Variants in NKAIN2 observed in about 807,000 individuals in gnomAD.
NKAIN2 encodes sodium/potassium transporting ATPase interacting 2, also known as sodium/potassium-transporting ATPase subunit beta-1-interacting protein 2.
NKAIN2 carries 14 observed loss-of-function variants against 32.6 expected under a neutral mutation model. The ratio of observed to expected loss-of-function variants is 0.43; its 90% confidence interval spans 0.28 to 0.67. The LOEUF (loss-of-function observed/expected upper bound fraction) is 0.67, where lower values mean the gene tolerates loss of function less well. Ranked by LOEUF, NKAIN2 falls within the 30% of genes least tolerant of loss-of-function variation. The probability of loss-of-function intolerance (pLI) is 0.17; values close to 1 mark genes in which losing one functional copy is unlikely to be tolerated. For missense variants in NKAIN2, 198 were observed against 258.3 expected (o/e 0.77, Z 1.60); for synonymous variants, 80 against 87.2 (o/e 0.92, Z 0.46).
At chr6:124,703,755 A>C (rs1346832261) in intron 4 of NKAIN2, among the ~76,000 whole-genome samples, 2 of 152,050 alleles carry the variant, frequency 1.3e-5, no homozygotes, top group Non-Finnish European at 2.9e-5. Flanking sequence ...TCTTCTCAGA[A>C]TACAAGTGTG....
intron 1 of NKAIN2, among the ~76,000 whole-genome samples, chr6:124,153,732 C>T (rs190063126): frequency 6.6e-6 from 1 of 151,492 alleles, no homozygotes; most frequent in Non-Finnish European, 1.5e-5. Flanking sequence ...TCATTAAATT[C>T]ATTTAATTAT....
At chr6:124,149,752 C>T (rs986736633) in intron 1 of NKAIN2, among the ~76,000 whole-genome samples, 2 of 151,932 alleles carry the variant, frequency 1.3e-5, no homozygotes, top group African/African-American at 2.4e-5. Flanking sequence ...TCTTTTTTGC[C>T]GGGTCTGTCC....
intron 1 of NKAIN2, among the ~76,000 whole-genome samples, chr6:124,108,749 T>C (rs778229907): frequency 5.3e-5 from 8 of 152,050 alleles, no homozygotes; most frequent in Non-Finnish European, 8.8e-5. Flanking sequence ...ATTTCAATCT[T>C]TTGCATGTGG....
intron 1 of NKAIN2, among the ~76,000 whole-genome samples, chr6:123,960,640 G>T (rs1405214540): frequency 6.6e-6 from 1 of 151,710 alleles, no homozygotes; most frequent in Non-Finnish European, 1.5e-5. Context: ...ATGTGCCATA[G>T]CCTTGCCCCT....
At chr6:124,158,658 A>G (rs938737326) in intron 1 of NKAIN2, among the ~76,000 whole-genome samples, 2 of 152,200 alleles carry the variant, frequency 1.3e-5, no homozygotes, top group Non-Finnish European at 2.9e-5. Flanking sequence ...TTTAACTGCA[A>G]TCCCCAGCTT....
At chr6:124,639,649 A>G (rs952929061) in intron 3 of NKAIN2, among the ~76,000 whole-genome samples, 2 of 152,126 alleles carry the variant, frequency 1.3e-5, no homozygotes, top group African/African-American at 4.8e-5. Flanking sequence ...AAAAAAGTAT[A>G]TATAATATAT....
intron 4 of NKAIN2, among the ~76,000 whole-genome samples, chr6:124,743,748 A>G (rs916887619): frequency 1.3e-5 from 2 of 151,868 alleles, no homozygotes; most frequent in East Asian, 1.9e-4. Flanking sequence ...CACTGCTCCC[A>G]ACTTTCAAAG....
At chr6:124,680,705 A>G (rs899285450) in intron 4 of NKAIN2, among the ~76,000 whole-genome samples, 18 of 152,060 alleles carry the variant, frequency 1.2e-4, no homozygotes, top group African/African-American at 4.1e-4. Flanking sequence ...TCTTGCTTTT[A>G]CTTCATACTC....
At chr6:124,481,627 G>C (rs367679063) in intron 3 of NKAIN2, among the ~76,000 whole-genome samples, 8 of 152,078 alleles carry the variant, frequency 5.3e-5, no homozygotes, top group African/African-American at 1.7e-4. Context: ...TCTTGTTTCA[G>C]AGATTAGTGA....
chr6:124,360,482 T>A (rs1799235774), intron 3 of NKAIN2, among the ~76,000 whole-genome samples: 1 of 152,154 alleles, frequency 6.6e-6, no homozygotes, highest in Non-Finnish European at 1.5e-5. Context: ...GATCATGTTT[T>A]CTTTGTACAC....
At chr6:124,137,656 AAGAT>A (rs1419781999) in intron 1 of NKAIN2, among the ~76,000 whole-genome samples, 3 of 152,136 alleles carry the variant, frequency 2.0e-5, no homozygotes, top group African/African-American at 7.2e-5. Context: ...TACCAATAAA[AAGAT>A]AGGTATATAG....
At chr6:124,565,421 T>G (rs1329912954) in intron 3 of NKAIN2, among the ~76,000 whole-genome samples, 1 of 152,200 alleles carries the variant, frequency 6.6e-6, no homozygotes, top group Non-Finnish European at 1.5e-5. Flanking sequence ...AGGAAATCAG[T>G]GGGATGGTCT....
chr6:124,238,605 G>A lies in NKAIN2; in HGVS notation c.55-44400G>A, dbSNP rs190355458. ...TCCCAGCGAGATCAACACAGAAGGC[G>A]GGTGATTTCTGCATTTGCAGCTAAG... On this transcript the variant is annotated intron_variant, in intron 1 of 6. Transcript: ENST00000368417. 5.8e-3 allele frequency among the ~76,000 whole-genome samples: 877 copies of A among 152,224 alleles called. 9 individuals carry two copies. The highest frequency in any genetic ancestry group is 0.017 in the African/African-American group (725 of 41,558).
chr6:124,454,437 A>C (rs983310003), intron 3 of NKAIN2, among the ~76,000 whole-genome samples: 1 of 152,018 alleles, frequency 6.6e-6, no homozygotes, highest in African/African-American at 2.4e-5. Context: ...TGTGCTCTAA[A>C]ATATAAACAT....
chr6:123,977,554 G>GAT (rs1211011003), intron 1 of NKAIN2, among the ~76,000 whole-genome samples: 1 of 152,142 alleles, frequency 6.6e-6, no homozygotes, highest in Non-Finnish European at 1.5e-5. Flanking sequence ...AGAGTTGTGA[G>GAT]ATATATCTCA....
intron 2 of NKAIN2, among the ~76,000 whole-genome samples, chr6:124,329,524 A>G (rs1797564792): frequency 6.6e-6 from 1 of 152,172 alleles, no homozygotes; most frequent in African/African-American, 2.4e-5. Flanking sequence ...TGGAAATGAG[A>G]AACACAAATT....
chr6:124,400,470 T>C (rs929981865), intron 3 of NKAIN2, among the ~76,000 whole-genome samples: 3 of 152,090 alleles, frequency 2.0e-5, no homozygotes, highest in Non-Finnish European at 4.4e-5. Context: ...ATTTGTAAGG[T>C]TCTGTTACTT....
intron 3 of NKAIN2, among the ~76,000 whole-genome samples, chr6:124,524,250 A>G (rs1459381506): frequency 6.6e-6 from 1 of 152,206 alleles, no homozygotes; most frequent in Non-Finnish European, 1.5e-5. Context: ...AAATTTGTTT[A>G]TATGTTATAG....
rs532474339 is a variant in NKAIN2, at chr6:123,945,120, T to G, written c.54+140866T>G. ...AGATGATAAGGCACTCACATTGAAC[T>G]CTAATATTTTCTTCCCTACTTATTA... On this transcript the variant is annotated intron_variant, in intron 1 of 6. Coordinates refer to ENST00000368417, the MANE Select transcript of NKAIN2 (RefSeq NM_001040214.3). Among the ~76,000 whole-genome samples the G allele has an allele frequency of 3.5e-3, 534 of 152,212 alleles. 2 individuals are homozygous for G. The highest frequency in any genetic ancestry group is 0.012 in the African/African-American group (510 of 41,528).
Sources: allele counts gnomAD v4.1 joint callset (sites outside exome capture counted in the v4.1 genomes callset), GRCh38; gene constraint gnomAD v4.1.1; transcripts MANE v1.5; gene names NCBI Gene and HGNC (gene_info 2026-07-23, HGNC 2026-07-21).